ENAH: variants seen among roughly 807,000 people sequenced by gnomAD.
The protein encoded by ENAH is protein enabled homolog.
ENAH carries 23 observed loss-of-function variants against 78.7 expected under a neutral mutation model. That is an observed-to-expected ratio of 0.29 (90% CI 0.21 to 0.41). The LOEUF (loss-of-function observed/expected upper bound fraction) is 0.41. Ranked by LOEUF, ENAH falls within the 10% of genes least tolerant of loss-of-function variation. ENAH has a pLI of 1.00. For synonymous variants in ENAH, 226 were observed against 241.0 expected, an observed-to-expected ratio of 0.94 and a Z score of 0.58; for missense variants, 544 against 691.0, an observed-to-expected ratio of 0.79 and a Z score of 2.39.
intron 5 of ENAH, chr1:225,517,958 G>A (rs1261431842): frequency 6.5e-7 from 1 of 1,546,476 alleles, no homozygotes; most frequent in African/African-American, 1.4e-5. Context: ...TCAGGAAGTG[G>A]AGCGTTATAC....
At chr1:225,591,720 G>A (rs1490115377) in intron 1 of ENAH, among the ~76,000 whole-genome samples, 5 of 139,050 alleles carry the variant, frequency 3.6e-5, no homozygotes, top group Non-Finnish European at 6.0e-5. Flanking sequence ...AGCCGAGATC[G>A]CGTCACTGCA....
In ENAH at chr1:225,514,672, G is replaced by A. The variant is rs921673737; in HGVS notation, c.1142C>T (p.Ser381Phe). ...TAAAGGGCGATTGTCTTCTGACATG[G>A]ATGCCAAAAAGAATCCAGATGCAGG... The part of the protein sequence containing the change: ...PLPASGFFLA[S>F]MSEDNRPLTG... Residue 381 changes from serine (S) to phenylalanine (F), a missense_variant, in exon 7 of 14, where the codon TCC becomes TTC. By Grantham distance (155) the Ser-to-Phe change is radical. This residue lies in a region of ENAH where 366 missense variants were observed against 396.1 expected (regional missense o/e 0.92). Coordinates refer to ENST00000366843, the MANE Select transcript of ENAH (RefSeq NM_018212.6). 2.7e-5 allele frequency: 43 copies of A among 1,584,154 alleles called. No individual in the cohort carries two copies. Among genetic ancestry groups the A allele is most frequent in the Non-Finnish European group, 3.6e-5 (42 of 1,161,662 alleles).
chr1:225,562,963 ACT>A (rs562472876), intron 2 of ENAH, among the ~76,000 whole-genome samples: 100 of 151,472 alleles, frequency 6.6e-4, no homozygotes, highest in South Asian at 3.3e-3. Flanking sequence ...ACAGAGCAAA[ACT>A]CTGTGTCAAA....
intron 6 of ENAH, 48 bp downstream of exon 6, chr1:225,517,148 T>C (rs1220896048): frequency 2.1e-5 from 31 of 1,442,542 alleles, no homozygotes; most frequent in Non-Finnish European, 2.9e-5. Context: ...CACTGCTATA[T>C]AACATTTTCA....
chr1:225,508,209 G>A (rs930420895), intron 10 of ENAH, among the ~76,000 whole-genome samples, 192 bp from the exon 11 acceptor site: 13 of 152,150 alleles, frequency 8.5e-5, no homozygotes, highest in Admixed American at 2.0e-4. Flanking sequence ...AAAATGAGAA[G>A]AAATTATAAG....
chr1:225,534,222 C>T (rs1259161895), intron 3 of ENAH, among the ~76,000 whole-genome samples: 1 of 151,972 alleles, frequency 6.6e-6, no homozygotes, highest in Non-Finnish European at 1.5e-5. Context: ...CAGGAGGAGG[C>T]AGAAAAATGA....
chr1:225,522,790 A>G lies in ENAH; in HGVS notation c.435-3225T>C, dbSNP rs186289880. Among the ~76,000 whole-genome samples the G allele has an allele frequency of 2.7e-3, 404 of 152,306 alleles. 3 individuals carry two copies. The highest frequency in any genetic ancestry group is 5.0e-3 in the Non-Finnish European group (338 of 68,024). ...GGCCCAAAGGGCAAAAGATACACCCATATTATTCTAATTAGAACAAATTTA... is the reference window on the plus strand; with the variant it reads ...GGCCCAAAGGGCAAAAGATACACCCGTATTATTCTAATTAGAACAAATTTA... On this transcript the variant is annotated intron_variant, in intron 4 of 13. Transcript: ENST00000366843.
chr1:225,647,775 C>A (rs1662233601), intron 1 of ENAH, among the ~76,000 whole-genome samples: 1 of 152,100 alleles, frequency 6.6e-6, no homozygotes, highest in Admixed American at 6.6e-5. Context: ...TATAAAAGAG[C>A]AACGCAGTCA....
At chr1:225,533,729 A>G (rs527619042) in intron 3 of ENAH, among the ~76,000 whole-genome samples, 1 of 152,198 alleles carries the variant, frequency 6.6e-6, no homozygotes, top group Admixed American at 6.5e-5. Context: ...AGATCAGGAG[A>G]CTCTATAATA....
chr1:225,652,532 T>C (rs912051078), intron 1 of ENAH, 154 bp downstream of exon 1: 5 of 826,598 alleles, frequency 6.0e-6, no homozygotes, highest in Non-Finnish European at 7.3e-6. Context: ...GAAAGAGAAA[T>C]TGGAAGGGAC....
chr1:225,614,457 T>C (rs1033649309), intron 1 of ENAH, among the ~76,000 whole-genome samples: 1 of 152,214 alleles, frequency 6.6e-6, no homozygotes, highest in African/African-American at 2.4e-5. Flanking sequence ...TGATCTCCTG[T>C]ACCTGGGATG....
chr1:225,573,685 A>C (rs2151557508), intron 1 of ENAH, among the ~76,000 whole-genome samples: 1 of 152,362 alleles, frequency 6.6e-6, no homozygotes, highest in South Asian at 2.1e-4. Flanking sequence ...TACAGAAGAA[A>C]GGATCTGTAG....
At position 225,519,431 on chromosome 1, in the gene ENAH, T is replaced by C. The variant is rs767019161; in HGVS notation, c.569A>G (p.Gln190Arg). ...RLERERLEQE[Q>R]LERERQERER... ...CCGTTCTTGTCTCTCTCTCTCCAGC[T>C]GTTCTTGTTCCAGTCGCTCCCTCTC... The change falls in exon 5 of 14, where the codon CAG (glutamine) becomes CGG (arginine). Residue 190 changes from glutamine to arginine, a missense_variant. Gln to Arg is a conservative substitution (Grantham distance 43, BLOSUM62 1). This residue lies in a region of ENAH where 366 missense variants were observed against 396.1 expected (regional missense o/e 0.92). Transcript: ENST00000366843. 2 of 1,613,974 alleles carry C rather than the reference T, an allele frequency of 1.2e-6. No individual in the cohort carries two copies. Among genetic ancestry groups the C allele is most frequent in the South Asian group, 2.2e-5 (2 of 91,078 alleles).
chr1:225,612,339 C>G (rs2096994824), intron 1 of ENAH, among the ~76,000 whole-genome samples: 1 of 152,156 alleles, frequency 6.6e-6, no homozygotes, highest in Admixed American at 6.5e-5. Context: ...AAGCCATGTA[C>G]TATATAATTC....
chr1:225,614,816 A>C (rs1233327516), intron 1 of ENAH, among the ~76,000 whole-genome samples: 1 of 152,202 alleles, frequency 6.6e-6, no homozygotes. Context: ...TGTATTTCTT[A>C]TTATATTACA....
At chr1:225,563,164 C>G (rs2096717024) in intron 2 of ENAH, among the ~76,000 whole-genome samples, 1 of 152,116 alleles carries the variant, frequency 6.6e-6, no homozygotes, top group Admixed American at 6.6e-5. Flanking sequence ...CACTGAAAAT[C>G]TTGTTAGTTC....
At chr1:225,535,393 A>T in intron 3 of ENAH, 1 of 510,448 alleles carries the variant, frequency 2.0e-6, no homozygotes, top group Non-Finnish European at 3.4e-6. Flanking sequence ...ATAGCTTGCT[A>T]TATATCCCAA....
In ENAH at chr1:225,496,238, GAAAGA is replaced by G. The variant is rs2096249210; in HGVS notation, c.*1532_*1536del. 6.6e-6 allele frequency: 1 copy of G among 152,360 alleles called. No homozygotes were observed. The allele number at this position is 152,360 out of a possible 1,614,324, so 9.4% of individuals were successfully genotyped here. A position where few individuals can be genotyped will look rare whatever the true frequency, so the allele number is the denominator to read the frequency against. ...TATTTTAACCTTACCAGTTTCAAAG[GAAAGA>G]AAAGGGAGTGGCTTCCATATAGACA... On this transcript the variant is annotated 3_prime_UTR_variant, in exon 14 of 14. Coordinates refer to ENST00000366843, the MANE Select transcript of ENAH (RefSeq NM_018212.6).
At position 225,491,095 on chromosome 1, in the gene ENAH, G is replaced by A. The variant is rs2096219920; in HGVS notation, c.*6680C>T. ...AACCAAGTGACACCTGAGATCAACTGGTAGTAATAATGAAAAGCTGGTATT... is the reference window on the plus strand; with the variant it reads ...AACCAAGTGACACCTGAGATCAACTAGTAGTAATAATGAAAAGCTGGTATT... On this transcript the variant is annotated 3_prime_UTR_variant, in exon 14 of 14. Coordinates refer to ENST00000366843, the MANE Select transcript of ENAH (RefSeq NM_018212.6). The A allele has an allele frequency of 6.6e-6, 1 of 152,122 alleles. No individual in the cohort carries two copies. The highest frequency in any genetic ancestry group is 1.5e-5 in the Non-Finnish European group (1 of 68,008). 9.4% of individuals were successfully genotyped at this position (152,122 alleles called of 1,614,324 possible). A position where few individuals can be genotyped will look rare whatever the true frequency, so the allele number is the denominator to read the frequency against.
Sources: allele counts gnomAD v4.1 joint callset (sites outside exome capture counted in the v4.1 genomes callset), GRCh38; gene constraint gnomAD v4.1.1; regional missense constraint gnomAD v4.1.1; transcripts MANE v1.5; gene names NCBI Gene and HGNC (gene_info 2026-07-23, HGNC 2026-07-21).